Variants in RANBP2 observed in about 807,000 individuals in gnomAD.
RANBP2 encodes RAN binding protein 2, also known as E3 SUMO-protein ligase RanBP2.
A neutral mutation model predicts 303.6 loss-of-function variants in RANBP2; 57 were observed. That is an observed-to-expected ratio of 0.19 (90% CI 0.15 to 0.23). RANBP2 has a LOEUF of 0.23. Ranked by LOEUF, RANBP2 falls within the 10% of genes least tolerant of loss-of-function variation. RANBP2 has a pLI of 1.00. For missense variants in RANBP2, 3,138 were observed against 3,780.8 expected, an observed-to-expected ratio of 0.83 and a Z score of 4.46; for synonymous variants, 1,167 against 1,301.5, an observed-to-expected ratio of 0.90 and a Z score of 2.23.
chr2:109,444,367 A>T, the RANBP2 span, among the ~76,000 whole-genome samples: 511 of 152,358 alleles, frequency 3.4e-3, 5 homozygotes, highest in African/African-American at 0.012. Context: ...ACAATAGCCA[A>T]GTGCTGAAGC....
At chr2:109,540,443 A>G in the RANBP2 span, among the ~76,000 whole-genome samples, 1 of 152,166 alleles carries the variant, frequency 6.6e-6, no homozygotes, top group African/African-American at 2.4e-5. Context: ...TATTTTGTAC[A>G]TAGGGATGTA....
chr2:108,740,356 G>A (rs753248099), intron 6 of RANBP2, 133 bp from the exon 7 acceptor site: 2 of 1,386,014 alleles, frequency 1.4e-6, no homozygotes, highest in Non-Finnish European at 2.0e-6. Flanking sequence ...ATAACATGGG[G>A]AATAAGAATT....
the RANBP2 span, chr2:108,813,050 C>T: frequency 3.0e-6 from 2 of 677,950 alleles, no homozygotes; most frequent in South Asian, 3.7e-5. Context: ...GAGATCGAGA[C>T]CATCCTGGCC....
the RANBP2 span, among the ~76,000 whole-genome samples, chr2:109,381,961 G>A: frequency 7.9e-5 from 12 of 152,168 alleles, no homozygotes; most frequent in Non-Finnish European, 1.8e-4. Context: ...ATTAAAATGA[G>A]GTGGAATTTG....
chr2:109,272,644 G>A, the RANBP2 span, among the ~76,000 whole-genome samples: 1 of 152,250 alleles, frequency 6.6e-6, no homozygotes, highest in African/African-American at 2.4e-5. Flanking sequence ...AGACACAGCT[G>A]CCAACGGTCC....
chr2:109,514,377 C>T, the RANBP2 span, among the ~76,000 whole-genome samples: 5 of 152,166 alleles, frequency 3.3e-5, no homozygotes, highest in South Asian at 2.1e-4. Context: ...TGCGAGTGCC[C>T]ACAGCTGCAG....
the RANBP2 span, among the ~76,000 whole-genome samples, chr2:109,198,331 T>C: frequency 2.6e-5 from 4 of 151,932 alleles, no homozygotes; most frequent in African/African-American, 9.7e-5. Context: ...TTATCAACAG[T>C]GCAAGACAGG....
the RANBP2 span, among the ~76,000 whole-genome samples, chr2:109,588,336 G>C: frequency 5.9e-5 from 9 of 152,118 alleles, no homozygotes; most frequent in East Asian, 1.9e-4. Context: ...ATGTAAGAGA[G>C]GTTTTTTTTA....
the RANBP2 span, among the ~76,000 whole-genome samples, chr2:108,990,457 A>AAT: frequency 6.0e-5 from 9 of 150,750 alleles, no homozygotes; most frequent in African/African-American, 2.2e-4. Flanking sequence ...AAAAAAAAAA[A>AAT]ATATACAAAA....
At chr2:108,897,955 G>C in the RANBP2 span, among the ~76,000 whole-genome samples, 1 of 152,070 alleles carries the variant, frequency 6.6e-6, no homozygotes, top group South Asian at 2.1e-4. Context: ...AAGTTCCCTG[G>C]GTTTTCTTTT....
the RANBP2 span, among the ~76,000 whole-genome samples, chr2:109,306,942 T>C: frequency 6.6e-6 from 1 of 152,216 alleles, no homozygotes; most frequent in African/African-American, 2.4e-5. Context: ...GATGGTGTGC[T>C]ATGGAGGTGT....
chr2:109,130,164 TG>T, the RANBP2 span: 1 of 1,253,258 alleles, frequency 8.0e-7, no homozygotes, highest in South Asian at 3.1e-5. Context: ...AGTGTGTGGG[TG>T]GGTGCTTGGG....
the RANBP2 span, among the ~76,000 whole-genome samples, chr2:109,712,576 C>A: frequency 2.0e-5 from 3 of 152,014 alleles, no homozygotes; most frequent in African/African-American, 7.2e-5. Context: ...GGATTACAGG[C>A]GTGTGCCACA....
chr2:109,403,510 G>A, the RANBP2 span, among the ~76,000 whole-genome samples: 1 of 152,244 alleles, frequency 6.6e-6, no homozygotes, highest in Admixed American at 6.5e-5. Flanking sequence ...ACTCTTGTCA[G>A]GACATGGTTA....
chr2:108,909,201 G>A, the RANBP2 span, among the ~76,000 whole-genome samples: 2,538 of 152,288 alleles, frequency 0.017, 33 homozygotes, highest in South Asian at 0.05. Context: ...CATGGGGCAC[G>A]TCTCTGCCTT....
At chr2:109,150,675 T>C in the RANBP2 span, among the ~76,000 whole-genome samples, 2 of 152,114 alleles carry the variant, frequency 1.3e-5, no homozygotes, top group Non-Finnish European at 1.5e-5. Flanking sequence ...GGTTCCAGTC[T>C]GGCTCTACAT....
At chr2:109,572,865 T>C in the RANBP2 span, among the ~76,000 whole-genome samples, 2 of 152,154 alleles carry the variant, frequency 1.3e-5, no homozygotes, top group African/African-American at 4.8e-5. Context: ...TCCGCCTGCC[T>C]TGGCCTCCCA....
chr2:109,347,625 C>T, the RANBP2 span: 3 of 1,587,818 alleles, frequency 1.9e-6, no homozygotes, highest in Non-Finnish European at 2.6e-6. Context: ...CACTGTGGGG[C>T]ATTGGGAAGG....
the RANBP2 span, among the ~76,000 whole-genome samples, chr2:109,528,766 A>G: frequency 6.6e-6 from 1 of 152,180 alleles, no homozygotes; most frequent in African/African-American, 2.4e-5. Context: ...TCACACGACA[A>G]AGGGGGTTAA....
Sources: allele counts gnomAD v4.1 joint callset (sites outside exome capture counted in the v4.1 genomes callset), GRCh38; gene constraint gnomAD v4.1.1; transcripts MANE v1.5; gene names NCBI Gene and HGNC (gene_info 2026-07-23, HGNC 2026-07-21).